AKAP19: variants seen among roughly 807,000 people sequenced by gnomAD.
AKAP19 encodes A-kinase anchoring protein 19, also known as small A-kinase anchoring protein.
At chr2:189,963,058 C>T in the AKAP19 span, among the ~76,000 whole-genome samples, 1 of 152,090 alleles carries the variant, frequency 6.6e-6, no homozygotes. Flanking sequence ...GTCATTTTAG[C>T]AATGTTCATA....
At chr2:190,041,572 G>C in the AKAP19 span, among the ~76,000 whole-genome samples, 2 of 152,196 alleles carry the variant, frequency 1.3e-5, no homozygotes, top group Non-Finnish European at 2.9e-5. Flanking sequence ...GGAGTGGTGA[G>C]AGAGGGCATC....
At chr2:189,997,800 G>A in the AKAP19 span, among the ~76,000 whole-genome samples, 12 of 152,134 alleles carry the variant, frequency 7.9e-5, no homozygotes, top group Non-Finnish European at 1.5e-4. Context: ...TGTTTGCCCC[G>A]CTAAATTCTG....
chr2:190,026,322 G>GT, the AKAP19 span, among the ~76,000 whole-genome samples: 1 of 152,140 alleles, frequency 6.6e-6, no homozygotes, highest in Admixed American at 6.5e-5. Context: ...TCTTTACAGA[G>GT]AAAATTTGGC....
the AKAP19 span, among the ~76,000 whole-genome samples, chr2:190,066,425 G>C: frequency 6.6e-6 from 1 of 152,148 alleles, no homozygotes; most frequent in African/African-American, 2.4e-5. Context: ...ATGAGATTAG[G>C]AATTAGCACA....
the AKAP19 span, among the ~76,000 whole-genome samples, chr2:190,113,048 G>A: frequency 1.1e-4 from 16 of 151,916 alleles, no homozygotes; most frequent in East Asian, 9.6e-4. Flanking sequence ...TCTAAAACTC[G>A]TTTCTGTTTC....
the AKAP19 span, among the ~76,000 whole-genome samples, chr2:190,059,428 G>A: frequency 6.6e-6 from 1 of 151,820 alleles, no homozygotes; most frequent in East Asian, 1.9e-4. Context: ...GGTGGCAAAG[G>A]TTAACTAGTA....
the AKAP19 span, among the ~76,000 whole-genome samples, chr2:190,191,470 C>T: frequency 6.6e-6 from 1 of 152,162 alleles, no homozygotes; most frequent in Admixed American, 6.5e-5. Flanking sequence ...TATGTGAACA[C>T]AAATTTTCAT....
At chr2:190,119,072 T>C in the AKAP19 span, among the ~76,000 whole-genome samples, 625 of 152,262 alleles carry the variant, frequency 4.1e-3, no homozygotes, top group Non-Finnish European at 6.9e-3. Flanking sequence ...TATACAGCAA[T>C]AACAGACAAA....
chr2:189,940,227 C>T, the AKAP19 span, among the ~76,000 whole-genome samples: 57 of 139,436 alleles, frequency 4.1e-4, no homozygotes, highest in Non-Finnish European at 7.0e-4. Context: ...TGCAGTGAGC[C>T]GAGATTGCGC....
the AKAP19 span, among the ~76,000 whole-genome samples, chr2:189,982,447 G>A: frequency 6.6e-6 from 1 of 151,974 alleles, no homozygotes; most frequent in Admixed American, 6.6e-5. Flanking sequence ...CTTGGATCCT[G>A]TTGAGTTTCT....
the AKAP19 span, among the ~76,000 whole-genome samples, chr2:189,933,847 T>C: frequency 6.6e-6 from 1 of 152,152 alleles, no homozygotes; most frequent in Non-Finnish European, 1.5e-5. Context: ...TTTGGACTAC[T>C]TGATATGCCC....
At chr2:190,029,976 C>A in the AKAP19 span, among the ~76,000 whole-genome samples, 9 of 152,154 alleles carry the variant, frequency 5.9e-5, no homozygotes, top group South Asian at 4.2e-4. Context: ...TTTTTATAGG[C>A]ACTAGGAAAT....
the AKAP19 span, among the ~76,000 whole-genome samples, chr2:190,001,539 C>T: frequency 6.6e-6 from 1 of 152,186 alleles, no homozygotes; most frequent in African/African-American, 2.4e-5. Context: ...AGTATTAGCA[C>T]TGATGTCTCT....
chr2:190,179,755 C>T, the AKAP19 span, among the ~76,000 whole-genome samples: 1 of 152,344 alleles, frequency 6.6e-6, no homozygotes. The surrounding 1 kb of genome is among the most constrained non-coding windows in gnomAD (Gnocchi z 6.0). Flanking sequence ...CACTCTCTTT[C>T]GTTGTACTGC....
chr2:190,018,740 A>G, the AKAP19 span, among the ~76,000 whole-genome samples: 2 of 152,072 alleles, frequency 1.3e-5, no homozygotes, highest in East Asian at 1.9e-4. Flanking sequence ...GTGTCTGTAC[A>G]TTTGAGGAGA....
chr2:190,097,107 G>A, the AKAP19 span, among the ~76,000 whole-genome samples: 161 of 152,150 alleles, frequency 1.1e-3, no homozygotes, highest in African/African-American at 3.7e-3. Flanking sequence ...TGTGCAGAAT[G>A]TGCAGGGTTG....
the AKAP19 span, among the ~76,000 whole-genome samples, chr2:190,121,638 T>C: frequency 3.2e-4 from 49 of 152,358 alleles, 1 homozygote; most frequent in East Asian, 3.3e-3. Context: ...CTTTAAAATA[T>C]GCTTTTGGGG....
the AKAP19 span, among the ~76,000 whole-genome samples, chr2:189,987,364 T>C: frequency 1.3e-5 from 2 of 152,222 alleles, no homozygotes; most frequent in African/African-American, 4.8e-5. Context: ...TCTTTTTCTT[T>C]CCAGTCTTGG....
At chr2:190,127,543 A>G in the AKAP19 span, among the ~76,000 whole-genome samples, 2 of 152,192 alleles carry the variant, frequency 1.3e-5, no homozygotes, top group African/African-American at 4.8e-5. Context: ...AAATAAAAAT[A>G]TATGTGAAAA....
Sources: allele counts gnomAD v4.1 joint callset (sites outside exome capture counted in the v4.1 genomes callset), GRCh38; gene constraint gnomAD v4.1.1; non-coding constraint Gnocchi (gnomAD v3.1); transcripts MANE v1.5; gene names NCBI Gene and HGNC (gene_info 2026-07-23, HGNC 2026-07-21).